The following CACNA2D3 variants were observed in gnomAD, a reference collection of about 807,000 sequenced individuals.
The protein encoded by CACNA2D3 is voltage-dependent calcium channel subunit alpha-2/delta-3.
Under a neutral mutation model 160.6 loss-of-function variants are expected in CACNA2D3, and 60 were observed. The ratio of observed to expected loss-of-function variants is 0.37; its 90% CI spans 0.30 to 0.46. The LOEUF is 0.46. Among genes scored for constraint, CACNA2D3 ranks in the 20% least tolerant of loss-of-function variants. CACNA2D3 has a pLI of 1.00. For missense variants in CACNA2D3, 1,205 were observed against 1,365.0 expected (o/e 0.88, Z 1.85); for synonymous variants, 558 against 492.9 (o/e 1.13, Z -1.75).
At chr3:54,318,498 C>T (rs758675838) in intron 2 of CACNA2D3, among the ~76,000 whole-genome samples, 1 of 152,000 alleles carries the variant, frequency 6.6e-6, no homozygotes, top group Non-Finnish European at 1.5e-5. Context: ...CTCACATGGT[C>T]CAGAAATACC....
At chr3:54,948,673 C>T (rs1027805698) in intron 27 of CACNA2D3, among the ~76,000 whole-genome samples, 1 of 152,202 alleles carries the variant, frequency 6.6e-6, no homozygotes, top group Non-Finnish European at 1.5e-5. Context: ...GGGAAGGGCA[C>T]CATTCATGCC....
intron 5 of CACNA2D3, among the ~76,000 whole-genome samples, chr3:54,539,197 C>T (rs949330095): frequency 1.3e-5 from 2 of 152,194 alleles, no homozygotes; most frequent in African/African-American, 4.8e-5. Context: ...CCTTCTATGG[C>T]TTCAGTTTCC....
intron 4 of CACNA2D3, among the ~76,000 whole-genome samples, chr3:54,468,546 C>T (rs1476464292): frequency 1.3e-5 from 2 of 152,150 alleles, no homozygotes; most frequent in Non-Finnish European, 2.9e-5. Context: ...TTTTTCATGT[C>T]CCCGTGGCGC....
At chr3:54,882,726 T>A (rs1292675180) in intron 21 of CACNA2D3, among the ~76,000 whole-genome samples, 1 of 152,188 alleles carries the variant, frequency 6.6e-6, no homozygotes, top group Non-Finnish European at 1.5e-5. Context: ...TAGAGGATCT[T>A]GTCATCTCTC....
At chr3:54,718,369 C>G (rs984093863) in intron 11 of CACNA2D3, among the ~76,000 whole-genome samples, 1 of 152,076 alleles carries the variant, frequency 6.6e-6, no homozygotes, top group African/African-American at 2.4e-5. Flanking sequence ...AATTATTAAG[C>G]TTCACTATTA....
chr3:54,253,449 G>T (rs1575346369), intron 2 of CACNA2D3, among the ~76,000 whole-genome samples: 1 of 152,142 alleles, frequency 6.6e-6, no homozygotes, highest in Non-Finnish European at 1.5e-5. Flanking sequence ...GAGAGTGAAG[G>T]GGGAGGTGCC....
chr3:54,259,414 T>G lies in CACNA2D3; in HGVS notation c.205-61028T>G, dbSNP rs183735405. 2.1e-3 allele frequency among the ~76,000 whole-genome samples: 325 copies of G among 152,232 alleles called. 2 individuals carry two copies. The highest frequency in any genetic ancestry group is 3.6e-3 in the Non-Finnish European group (246 of 68,010). ...TCTTAATTCTTTAGGTTTGCTTGTC[T>G]AAACAAGTATACAGATTTAATAGAA... is the stretch of plus-strand genomic sequence containing the variant. On this transcript the variant is annotated intron_variant, in intron 2 of 37. Transcript: ENST00000474759.
rs557159762 is a variant in CACNA2D3 at position 54,419,306 on chromosome 3, A to G, written c.381+32532A>G. ...GTGTGGGTGGCAGATAGAAGCCCCC[A>G]TCTTACTAGTCAGAGAGAACAAAAG... On this transcript the variant is annotated intron_variant, in intron 4 of 37. Transcript: ENST00000474759. Among the ~76,000 whole-genome samples the G allele has an allele frequency of 1.7e-3, 263 of 152,300 alleles. 1 individual carries two copies. The highest frequency in any genetic ancestry group is 6.1e-3 in the African/African-American group (252 of 41,572).
At chr3:54,982,474 A>G (rs1176857245) in intron 29 of CACNA2D3, among the ~76,000 whole-genome samples, 2 of 152,114 alleles carry the variant, frequency 1.3e-5, no homozygotes, top group Admixed American at 1.3e-4. Flanking sequence ...GTGCATGCAG[A>G]TGATTTTCCT....
intron 5 of CACNA2D3, among the ~76,000 whole-genome samples, chr3:54,512,455 C>T (rs753191078): frequency 1.1e-4 from 16 of 152,186 alleles, no homozygotes; most frequent in Admixed American, 1.3e-4. Flanking sequence ...ATAGTGACAC[C>T]GGGTCCCCCA....
chr3:54,955,865 G>A (rs190099840), intron 27 of CACNA2D3, among the ~76,000 whole-genome samples: 26 of 152,264 alleles, frequency 1.7e-4, no homozygotes, highest in South Asian at 4.2e-4. Context: ...GAAACCTGGT[G>A]AGAGTCAAGG....
chr3:54,170,855 A>G (rs983109376), intron 2 of CACNA2D3, among the ~76,000 whole-genome samples: 2 of 152,206 alleles, frequency 1.3e-5, no homozygotes, highest in Admixed American at 6.5e-5. Context: ...TGCCATGCCA[A>G]TAGATTCCAG....
At chr3:54,138,113 T>C (rs148260589) in intron 2 of CACNA2D3, among the ~76,000 whole-genome samples, 1 of 152,206 alleles carries the variant, frequency 6.6e-6, no homozygotes, top group East Asian at 1.9e-4. Flanking sequence ...CATGAGTTCA[T>C]GGAGGTGATG....
chr3:54,643,634 G>C (rs1161299541), intron 11 of CACNA2D3, among the ~76,000 whole-genome samples: 1 of 152,242 alleles, frequency 6.6e-6, no homozygotes, highest in Non-Finnish European at 1.5e-5. Flanking sequence ...TTAGATGTCA[G>C]CAGTAGTTCA....
At chr3:54,304,123 C>T (rs1481344012) in intron 2 of CACNA2D3, among the ~76,000 whole-genome samples, 3 of 152,172 alleles carry the variant, frequency 2.0e-5, no homozygotes, top group African/African-American at 7.2e-5. Flanking sequence ...CATCTCTGAC[C>T]TCTGTCCACT....
chr3:54,738,089 T>C (rs1278751957), intron 11 of CACNA2D3, among the ~76,000 whole-genome samples: 2 of 152,198 alleles, frequency 1.3e-5, no homozygotes, highest in Non-Finnish European at 2.9e-5. Context: ...TGGACTAGGA[T>C]ATTAGCAGAA....
chr3:54,620,717 T>C (rs899991108), intron 9 of CACNA2D3, among the ~76,000 whole-genome samples: 2 of 152,144 alleles, frequency 1.3e-5, no homozygotes, highest in Non-Finnish European at 2.9e-5. Context: ...CTGTAGTTTA[T>C]CAGGGACGTA....
intron 34 of CACNA2D3, among the ~76,000 whole-genome samples, chr3:55,016,625 G>A (rs1215325450): frequency 6.6e-6 from 1 of 152,196 alleles, no homozygotes; most frequent in Non-Finnish European, 1.5e-5. Context: ...AGCTGTGCAT[G>A]CTTTTGTTCA....
chr3:54,894,507 C>T (rs1171322394), intron 25 of CACNA2D3: 2 of 459,576 alleles, frequency 4.4e-6, no homozygotes, highest in East Asian at 1.4e-4. Context: ...TCTAACCAAG[C>T]CACCATCTCA....
Sources: gnomAD v4.1 joint callset for allele counts (sites outside exome capture counted in the v4.1 genomes callset) on GRCh38, gnomAD v4.1.1 for gene constraint, MANE v1.5 for transcripts, NCBI Gene and HGNC (gene_info 2026-07-23, HGNC 2026-07-21) for gene names.